CASKIN1: variants seen among roughly 807,000 people sequenced by gnomAD.
CASKIN1 encodes caskin-1.
In CASKIN1, 42 loss-of-function variants were observed where a neutral mutation model predicts 117.5. The observed-to-expected ratio is 0.36, with a 90% CI of 0.28 to 0.46. The LOEUF is 0.46. CASKIN1 is among the 20% of genes least tolerant of loss of function. CASKIN1 has a pLI of 1.00. For synonymous variants in CASKIN1, 1,148 were observed against 961.7 expected (o/e 1.19, Z -3.59); for missense variants, 2,083 against 2,077.3 (o/e 1.00, Z -0.05).
At position 2,181,074 on chromosome 16, in the gene CASKIN1, T is replaced by A. The variant is rs577490569; in HGVS notation, c.2294A>T (p.Gln765Leu). 3.4e-6 allele frequency: 5 copies of A among 1,484,750 alleles called. No homozygotes were observed. In the African/African-American group the frequency reaches 4.3e-5, roughly 13 times the overall value. 92.0% of individuals were successfully genotyped at this position (1,484,750 alleles called of 1,614,324 possible). ...SVPPVPGKPR[Q>L]VLPPGTSHFT... ...GTGGCTAGTGCCTGGTGGGAGGACC[T>A]GCCGTGGCTTGCCAGGCACGGGGGG... is the stretch of plus-strand genomic sequence containing the variant. Residue 765 changes from glutamine (Q) to leucine (L), a missense_variant, in exon 18 of 20, where the codon CAG (glutamine) becomes CTG (leucine). By Grantham distance (113) the Gln-to-Leu change is moderately radical. Coordinates refer to ENST00000343516, the MANE Select transcript of CASKIN1 (RefSeq NM_020764.4).
At position 2,179,534 on chromosome 16, in the gene CASKIN1, C is replaced by T; in HGVS notation, c.3775+59G>A. The T allele has an allele frequency of 7.1e-7, 1 of 1,408,732 alleles. No homozygotes were observed. Among genetic ancestry groups the T allele is most frequent in the Middle Eastern group, 2.3e-4 (1 of 4,382 alleles). The allele number at this position is 1,408,732 out of a possible 1,614,324, so 87.3% of individuals were successfully genotyped here. A position where few individuals can be genotyped will look rare whatever the true frequency, so the allele number is the denominator to read the frequency against. On this transcript the variant is annotated intron_variant, in intron 18 of 19. Coordinates refer to ENST00000343516, the MANE Select transcript of CASKIN1 (RefSeq NM_020764.4). The surrounding 1 kb of genome is among the most constrained non-coding windows in gnomAD (Gnocchi z 5.8). Reference sequence around the variant, plus strand: ...AAGAAAAGGAAAACCCCTCAGACCACCGAGTAAGGAGGTGGAGCAGGGTCC... The same window carrying T: ...AAGAAAAGGAAAACCCCTCAGACCATCGAGTAAGGAGGTGGAGCAGGGTCC...
intron 10 of CASKIN1, among the ~76,000 whole-genome samples, chr16:2,185,646 G>A (rs1312170495): frequency 6.6e-6 from 1 of 152,270 alleles, no homozygotes; most frequent in Non-Finnish European, 1.5e-5. Context: ...TGTGGGCAGG[G>A]GGCCAGAGAT....
chr16:2,195,513 G>T (rs897934924), intron 1 of CASKIN1, among the ~76,000 whole-genome samples: 7 of 152,210 alleles, frequency 4.6e-5, no homozygotes, highest in South Asian at 2.1e-4. Context: ...ATCCATCTCC[G>T]GCGGCCCCCA....
rs1220603653 is a variant in CASKIN1 at position 2,178,518 on chromosome 16, G to A, written c.*32C>T. On this transcript the variant is annotated 3_prime_UTR_variant, in exon 20 of 20. Coordinates refer to ENST00000343516, the MANE Select transcript of CASKIN1 (RefSeq NM_020764.4). ...ATAGGTCAGTGTGCGGGGAGGGCCC[G>A]GGCGGCGCGGGAGGGCCCGGCCAGG... 10 of 1,526,298 alleles carry A rather than the reference G, an allele frequency of 6.6e-6. No individual in the cohort carries two copies. The African/African-American group carries it at 1.0e-4, about 15-fold the overall frequency. 94.5% of individuals were successfully genotyped at this position (1,526,298 alleles called of 1,614,324 possible).
In CASKIN1 at chr16:2,190,375, A is replaced by T; in HGVS notation, c.95-17T>A. On this transcript the variant is annotated splice_polypyrimidine_tract_variant and intron_variant, in intron 1 of 19. Transcript: ENST00000343516. ...CCAGGAGCTCTGGGGATGGAAGGAG[A>T]CTCAGTGAGGGGAGGCTGTGCCAGC... The T allele has an allele frequency of 6.4e-7, 1 of 1,563,930 alleles. No individual in the cohort carries two copies. The highest frequency in any genetic ancestry group is 8.7e-7 in the Non-Finnish European group (1 of 1,153,950).
Position 2,190,189 on chromosome 16 carries a change from A to G in CASKIN1, c.147-19T>C, listed in dbSNP as rs756442276. 20 of 1,612,310 alleles carry G rather than the reference A, an allele frequency of 1.2e-5. No homozygotes were observed. The highest frequency in any genetic ancestry group is 1.6e-5 in the Non-Finnish European group (19 of 1,179,570). On this transcript the variant is annotated intron_variant, in intron 2 of 19. Transcript: ENST00000343516. ...CGAGAAGCTGGCACGTGCAGAGGAC[A>G]CATAGAGCAGAGGCCCTGGCGCCCC...
In CASKIN1 at chr16:2,185,103, C is replaced by G; in HGVS notation, c.1239+8G>C. The G allele has an allele frequency of 1.2e-6, 2 of 1,609,492 alleles. No homozygotes were observed. Among genetic ancestry groups the G allele is most frequent in the East Asian group, 2.2e-5 (1 of 44,860 alleles). On this transcript the variant is annotated splice_region_variant and intron_variant, in intron 12 of 19. Coordinates refer to ENST00000343516, the MANE Select transcript of CASKIN1 (RefSeq NM_020764.4). ...GGCCACCCTGGCCCTGGCCACTACC[C>G]CACCTACCTTGACGCCTTCAGAGCC... is the stretch of plus-strand genomic sequence containing the variant.
rs768392558 is a variant in CASKIN1, at chr16:2,178,548, G to T, written c.*2C>A. ...GCGCGGGAGGGCCCGGCCAGGCGGC[G>T]TTCACTCCAGCATGGCATCCAGCTG... On this transcript the variant is annotated 3_prime_UTR_variant, in exon 20 of 20. Coordinates refer to ENST00000343516, the MANE Select transcript of CASKIN1 (RefSeq NM_020764.4). The T allele has an allele frequency of 5.1e-6, 8 of 1,582,466 alleles. No homozygotes were observed. In the Admixed American group the frequency reaches 5.1e-5, roughly 10 times the overall value.
At chr16:2,189,850 C>T (rs963613094) in intron 3 of CASKIN1, among the ~76,000 whole-genome samples, 12 of 152,042 alleles carry the variant, frequency 7.9e-5, no homozygotes, top group Non-Finnish European at 4.4e-5. Flanking sequence ...TGGGAGCTGA[C>T]CCCTGACCCC....
At position 2,186,765 on chromosome 16, in the gene CASKIN1, G is replaced by A. The variant is rs2093186079; in HGVS notation, c.990C>T (p.Gly330=). ...ACGGGAAGTAGCCCACCCGGTCATTGCCCGTCCGGTTGTCATGGATGCAGC... is the reference window on the plus strand; with the variant it reads ...ACGGGAAGTAGCCCACCCGGTCATTACCCGTCCGGTTGTCATGGATGCAGC... ...WKGCIHDNRT[G]NDRVGYFPSS... is the part of the protein sequence containing the mutation. Residue 330 remains glycine (G), a synonymous_variant, in exon 10 of 20, where the codon GGC becomes GGT. Transcript: ENST00000343516. The A allele has an allele frequency of 6.2e-7, 1 of 1,613,034 alleles. No homozygotes were observed. Among genetic ancestry groups the A allele is most frequent in the Non-Finnish European group, 8.5e-7 (1 of 1,179,966 alleles).
chr16:2,178,683 G>T (rs766414190), intron 19 of CASKIN1, 37 bp from the exon 20 acceptor site: 170 of 1,544,272 alleles, frequency 1.1e-4, no homozygotes, highest in Non-Finnish European at 1.4e-4. Flanking sequence ...AGTGGGCGGG[G>T]CGGGTCTGGC....
In CASKIN1 at chr16:2,180,127, GC is replaced by G. The variant is rs1413321565; in HGVS notation, c.3240del (p.Pro1081LeufsTer62). The G allele has an allele frequency of 6.5e-7, 1 of 1,550,000 alleles. No homozygotes were observed. The highest frequency in any genetic ancestry group is 8.7e-7 in the Non-Finnish European group (1 of 1,148,838). On this transcript the variant is annotated frameshift_variant, in exon 18 of 20. Transcript: ENST00000343516. LOFTEE classifies it high-confidence loss of function. ...VTGLLATARR[G>X]PGESADPGPF... Reference sequence around the variant, plus strand: ...GGGCCTGGGTCTGCCGACTCCCCAGGCCCCCGGCGGGCAGTGGCCAGAAGTC... The same window carrying G: ...GGGCCTGGGTCTGCCGACTCCCCAGGCCCCGGCGGGCAGTGGCCAGAAGTC...
rs35199162 is a variant in CASKIN1 at position 2,177,367 on chromosome 16, C to T, written c.*1183G>A. On this transcript the variant is annotated 3_prime_UTR_variant, in exon 20 of 20. Transcript: ENST00000343516. ...GCCCTGCACGCCGGGACGCCACCTC[C>T]GCCAGCCGCCTCCACCCGCCCCACA... 11,999 of 233,492 alleles carry T rather than the reference C, an allele frequency of 0.051. 486 individuals carry two copies. The highest frequency in any genetic ancestry group is 0.065 in the Non-Finnish European group (7,621 of 118,112). The allele number at this position is 233,492 out of a possible 1,614,324, so 14.5% of individuals were successfully genotyped here.
In CASKIN1 at chr16:2,179,366, C is replaced by G; in HGVS notation, c.3776-41G>C. The G allele has an allele frequency of 1.5e-6, 2 of 1,328,444 alleles. No homozygotes were observed. Among genetic ancestry groups the G allele is most frequent in the African/African-American group, 1.5e-5 (1 of 64,774 alleles). 82.3% of individuals were successfully genotyped at this position (1,328,444 alleles called of 1,614,324 possible). A position where few individuals can be genotyped will look rare whatever the true frequency, so the allele number is the denominator to read the frequency against. On this transcript the variant is annotated intron_variant, in intron 18 of 19. Transcript: ENST00000343516. The surrounding 1 kb of genome is among the most constrained non-coding windows in gnomAD (Gnocchi z 5.8). Reference sequence around the variant, plus strand: ...CGCTGGCACCGAGCGGGCACGAGTTCCGCCGCCGCGCCCCCTGCCCCAGCC... The same window carrying G: ...CGCTGGCACCGAGCGGGCACGAGTTGCGCCGCCGCGCCCCCTGCCCCAGCC...
chr16:2,188,552 T>C (rs939642805), intron 6 of CASKIN1, among the ~76,000 whole-genome samples: 1 of 152,086 alleles, frequency 6.6e-6, no homozygotes, highest in Admixed American at 6.5e-5. Context: ...GGTCTTGACA[T>C]GTTGCCCAGG....
Position 2,179,659 on chromosome 16 carries a change from G to A in CASKIN1, c.3709C>T (p.Pro1237Ser). Reference sequence around the variant, plus strand: ...GGTGTGGGCGAGCCCTGGAGCTTGGGCACAGGCTGCGTCAGGACGGGCTTG... The same window carrying A: ...GGTGTGGGCGAGCCCTGGAGCTTGGACACAGGCTGCGTCAGGACGGGCTTG... ...SPKPVLTQPV[P>S]KLQGSPTPTS... is the part of the protein sequence containing the mutation. Residue 1237 changes from proline (P) to serine (S), a missense_variant, in exon 18 of 20, where the codon CCC (proline) becomes TCC (serine). By Grantham distance (74) the Pro-to-Ser change is moderately conservative. Around this residue, in one of 3 missense-constraint regions of CASKIN1, gnomAD observed 1,818 missense variants for 1,688.9 expected, o/e 1.08. Transcript: ENST00000343516. The surrounding 1 kb of genome is among the most constrained non-coding windows in gnomAD (Gnocchi z 5.8). The A allele has an allele frequency of 2.0e-6, 3 of 1,508,778 alleles. No homozygotes were observed. Among genetic ancestry groups the A allele is most frequent in the African/African-American group, 1.4e-5 (1 of 71,472 alleles). The allele number at this position is 1,508,778 out of a possible 1,614,324, so 93.5% of individuals were successfully genotyped here. A position where few individuals can be genotyped will look rare whatever the true frequency, so the allele number is the denominator to read the frequency against.
rs374360460 is a variant in CASKIN1 at position 2,183,834 on chromosome 16, G to T, written c.1524C>A (p.Pro508=). 1.9e-6 allele frequency: 3 copies of T among 1,612,630 alleles called. No individual in the cohort carries two copies. In the African/African-American group the frequency reaches 4.0e-5, roughly 22 times the overall value. The part of the protein sequence containing the change: ...YDLPTISRMT[P]EDLTAIGVTK... Reference sequence around the variant, plus strand: ...TGGCGGCGCATGGAAAGCTCACCTCGGGAGTCATGCGGCTGATGGTGGGCA... The same window carrying T: ...TGGCGGCGCATGGAAAGCTCACCTCTGGAGTCATGCGGCTGATGGTGGGCA... The change falls in exon 15 of 20, where the codon CCC becomes CCA. Residue 508 remains proline (P), a synonymous_variant. Transcript: ENST00000343516.
chr16:2,179,111 G>A lies in CASKIN1; in HGVS notation c.3990C>T (p.Ser1330=), dbSNP rs2093156923. 2 of 1,000,018 alleles carry A rather than the reference G, an allele frequency of 2.0e-6. No homozygotes were observed. Among genetic ancestry groups the A allele is most frequent in the African/African-American group, 3.5e-5 (2 of 56,796 alleles). 61.9% of individuals were successfully genotyped at this position (1,000,018 alleles called of 1,614,324 possible). The change falls in exon 19 of 20, where the codon TCC becomes TCT. Residue 1330 remains serine (S), a synonymous_variant. Coordinates refer to ENST00000343516, the MANE Select transcript of CASKIN1 (RefSeq NM_020764.4). The surrounding 1 kb of genome is among the most constrained non-coding windows in gnomAD (Gnocchi z 5.8). ...GCACGTGCAGCGCGGGCGCGCCGGGGGACGGGGGCTTGGCGGGGCTGGCGC... is the reference window on the plus strand; with the variant it reads ...GCACGTGCAGCGCGGGCGCGCCGGGAGACGGGGGCTTGGCGGGGCTGGCGC... ...SLGASPAKPP[S]PGAPALHVPA... is the part of the protein sequence containing the mutation.
At position 2,179,395 on chromosome 16, in the gene CASKIN1, C is replaced by T; in HGVS notation, c.3776-70G>A. On this transcript the variant is annotated intron_variant, in intron 18 of 19. Transcript: ENST00000343516. The surrounding 1 kb of genome is among the most constrained non-coding windows in gnomAD (Gnocchi z 5.8). The stretch of plus-strand genomic sequence containing the variant: ...CGCCGCGCCCCCTGCCCCAGCCTCC[C>T]GCGGCTTCCTCCCCAGCGGACCGGG... 1 of 1,336,694 alleles carries T rather than the reference C, an allele frequency of 7.5e-7. No homozygotes were observed. Among genetic ancestry groups the T allele is most frequent in the Non-Finnish European group, 9.5e-7 (1 of 1,050,300 alleles). The allele number at this position is 1,336,694 out of a possible 1,614,324, so 82.8% of individuals were successfully genotyped here. A position where few individuals can be genotyped will look rare whatever the true frequency, so the allele number is the denominator to read the frequency against.
Sources: gnomAD v4.1 joint callset for allele counts (sites outside exome capture counted in the v4.1 genomes callset) on GRCh38, gnomAD v4.1.1 for gene constraint, gnomAD v4.1.1 regional missense constraint, Gnocchi (gnomAD v3.1) non-coding constraint, MANE v1.5 for transcripts, NCBI Gene and HGNC (gene_info 2026-07-23, HGNC 2026-07-21) for gene names.